The following ZNF445 variants were observed in gnomAD, a reference collection of about 807,000 sequenced individuals.
The protein encoded by ZNF445 is zinc finger protein 168.
Under a neutral mutation model 93.9 loss-of-function variants are expected in ZNF445, and 19 were observed. That is an observed-to-expected ratio of 0.20 (90% CI 0.14 to 0.30). ZNF445 has a LOEUF of 0.30. Among genes scored for constraint, ZNF445 ranks in the 10% least tolerant of loss-of-function variants. The probability of loss-of-function intolerance (pLI) is 1.00; values close to 1 mark genes in which losing one functional copy is unlikely to be tolerated. For synonymous variants in ZNF445, 449 were observed against 446.3 expected, an observed-to-expected ratio of 1.01 and a Z score of -0.08; for missense variants, 1,058 against 1,259.4, an observed-to-expected ratio of 0.84 and a Z score of 2.42.
chr3:44,457,774 G>A lies in ZNF445; in HGVS notation c.-148+470C>T, dbSNP rs560133370. Among the ~76,000 whole-genome samples the A allele has an allele frequency of 1.3e-4, 19 of 150,986 alleles. No homozygotes were observed. The East Asian group carries it at 2.6e-3, about 20-fold the overall frequency. ...TCCTAGCACTTTGGGAGGCCTAGGC[G>A]CGTGGATCACGAGGTCAGAAGTTTG... On this transcript the variant is annotated intron_variant, in intron 2 of 7. Transcript: ENST00000396077.
rs1046794981 is a variant in ZNF445 at position 44,439,040 on chromosome 3, G to T, written c.*7535C>A. 2.0e-5 allele frequency: 3 copies of T among 151,684 alleles called. No individual in the cohort carries two copies. Among genetic ancestry groups the T allele is most frequent in the Non-Finnish European group, 2.9e-5 (2 of 67,990 alleles). The allele number at this position is 151,684 out of a possible 1,614,324, so 9.4% of individuals were successfully genotyped here. A position where few individuals can be genotyped will look rare whatever the true frequency, so the allele number is the denominator to read the frequency against. On this transcript the variant is annotated 3_prime_UTR_variant, in exon 8 of 8. Coordinates refer to ENST00000396077, the MANE Select transcript of ZNF445 (RefSeq NM_181489.6). ...AAAAAAAACAAGGACTCCAGGCATG[G>T]TGGCTCACACCTGTAATCCCAGCAC...
chr3:44,446,879 C>T lies in ZNF445; in HGVS notation c.2792G>A (p.Arg931Gln), dbSNP rs200875030. 63 of 1,614,016 alleles carry T rather than the reference C, an allele frequency of 3.9e-5. No individual in the cohort carries two copies. The highest frequency in any genetic ancestry group is 2.2e-4 in the East Asian group (10 of 44,886). The change falls in exon 8 of 8, where the codon CGG (arginine) becomes CAG (glutamine). Residue 931 changes from arginine to glutamine, a missense_variant. This residue lies in a region of ZNF445 where 387 missense variants were observed against 475.7 expected (regional missense o/e 0.81). Transcript: ENST00000396077. The surrounding 1 kb of genome is among the most constrained non-coding windows in gnomAD (Gnocchi z 4.2). ...CAACTTTGTGTCCTGAGAGGAAGAC[C>T]GTGCAGGCGGGCTACGTTCAGCCTG... ...AAQAERSPPA[R>Q]SSSQDTKLRL... is the part of the protein sequence containing the mutation.
chr3:44,450,368 T>G, intron 6 of ZNF445, 79 bp downstream of exon 6: 1 of 1,588,796 alleles, frequency 6.3e-7, no homozygotes, highest in South Asian at 1.1e-5. Context: ...CCAGGTCAGG[T>G]ACCTTTCTAT....
At chr3:44,457,720 T>C (rs1274278494) in intron 2 of ZNF445, among the ~76,000 whole-genome samples, 3 of 152,090 alleles carry the variant, frequency 2.0e-5, no homozygotes, top group Non-Finnish European at 2.9e-5. Context: ...GGATCAGACT[T>C]GGCCGGGTGT....
intron 1 of ZNF445, among the ~76,000 whole-genome samples, chr3:44,464,796 C>G (rs1016373346): frequency 6.6e-6 from 1 of 152,152 alleles, no homozygotes; most frequent in Non-Finnish European, 1.5e-5. Context: ...CCACCCCAAG[C>G]TGGGCACAGT....
rs898863109 is a variant in ZNF445 at position 44,443,272 on chromosome 3, G to T, written c.*3303C>A. 8 of 152,076 alleles carry T rather than the reference G, an allele frequency of 5.3e-5. No individual in the cohort carries two copies. Among genetic ancestry groups the T allele is most frequent in the African/African-American group, 1.7e-4 (7 of 41,398 alleles). The allele number at this position is 152,076 out of a possible 1,614,324, so 9.4% of individuals were successfully genotyped here. On this transcript the variant is annotated 3_prime_UTR_variant, in exon 8 of 8. Coordinates refer to ENST00000396077, the MANE Select transcript of ZNF445 (RefSeq NM_181489.6). ...TTAGTAGTTAGCACCAAGTAGTCAG[G>T]CTTCTACTTTTTTTCCTTTCAGCTA...
intron 1 of ZNF445, among the ~76,000 whole-genome samples, chr3:44,461,313 C>G (rs1489649472): frequency 1.3e-5 from 2 of 152,088 alleles, no homozygotes; most frequent in Non-Finnish European, 2.9e-5. Flanking sequence ...GAGGAAGAGT[C>G]CTGGTTTGGA....
intron 1 of ZNF445, among the ~76,000 whole-genome samples, chr3:44,464,029 G>C (rs1022223971): frequency 2.6e-5 from 4 of 152,166 alleles, no homozygotes; most frequent in African/African-American, 9.7e-5. Context: ...GGAAGGCTTA[G>C]GCAGGACAAT....
chr3:44,459,602 G>T (rs1444051613), intron 1 of ZNF445, among the ~76,000 whole-genome samples: 3 of 152,156 alleles, frequency 2.0e-5, no homozygotes, highest in Non-Finnish European at 4.4e-5. Context: ...TGATATTAAG[G>T]CTTACTATAA....
At position 44,432,192 on chromosome 3, in the gene ZNF445, C is replaced by G. The variant is rs569753697; in HGVS notation, c.*14383G>C. 6.6e-6 allele frequency: 1 copy of G among 152,190 alleles called. No homozygotes were observed. Among genetic ancestry groups the G allele is most frequent in the Non-Finnish European group, 1.5e-5 (1 of 68,054 alleles). The allele number at this position is 152,190 out of a possible 1,614,324, so 9.4% of individuals were successfully genotyped here. A position where few individuals can be genotyped will look rare whatever the true frequency, so the allele number is the denominator to read the frequency against. ...AGATTACAGGCGTTGAGCCACCATG[C>G]CCAGCCCTTGAAATTTAAATTTCAA... is the stretch of plus-strand genomic sequence containing the variant. On this transcript the variant is annotated 3_prime_UTR_variant, in exon 8 of 8. Coordinates refer to ENST00000396077, the MANE Select transcript of ZNF445 (RefSeq NM_181489.6).
In ZNF445 at chr3:44,447,143, T is replaced by C; in HGVS notation, c.2528A>G (p.Gln843Arg). 6.2e-7 allele frequency: 1 copy of C among 1,614,234 alleles called. No homozygotes were observed. The highest frequency in any genetic ancestry group is 8.5e-7 in the Non-Finnish European group (1 of 1,180,028). The part of the protein sequence containing the change: ...ILTGEKRFWC[Q>R]ECGKTFTRKR... Reference sequence around the variant, plus strand: ...ACGTGTAAAGGTTTTCCCACATTCTTGACACCAAAAACGTTTCTCACCAGT... The same window carrying C: ...ACGTGTAAAGGTTTTCCCACATTCTCGACACCAAAAACGTTTCTCACCAGT... The change falls in exon 8 of 8, where the codon CAA (glutamine) becomes CGA (arginine). Residue 843 changes from glutamine to arginine, a missense_variant. Physicochemically the swap from Gln to Arg is conservative, Grantham distance 43. Around this residue, in one of 3 missense-constraint regions of ZNF445, gnomAD observed 387 missense variants for 475.7 expected, o/e 0.81. Transcript: ENST00000396077. The surrounding 1 kb of genome is among the most constrained non-coding windows in gnomAD (Gnocchi z 4.7).
In ZNF445 at chr3:44,448,363, C is replaced by G; in HGVS notation, c.1308G>C (p.Gly436=). 6.2e-7 allele frequency: 1 copy of G among 1,614,198 alleles called. No individual in the cohort carries two copies. The highest frequency in any genetic ancestry group is 8.5e-7 in the Non-Finnish European group (1 of 1,180,044). The change falls in exon 8 of 8, where the codon GGG becomes GGC. Residue 436 remains glycine, a synonymous_variant. Coordinates refer to ENST00000396077, the MANE Select transcript of ZNF445 (RefSeq NM_181489.6). ...HHYDYKKYGK[G]LRHMIGGFSL... ...TGAAGCCCCCAATCATGTGTCTGAG[C>G]CCCTTCCCATATTTCTTGTAGTCAT...
chr3:44,451,017 A>G, intron 4 of ZNF445, 55 bp from the exon 5 acceptor site: 1 of 1,407,434 alleles, frequency 7.1e-7, no homozygotes, highest in South Asian at 1.4e-5. Context: ...CCCAGTGAGA[A>G]GCCCACTCTT....
At position 44,455,671 on chromosome 3, in the gene ZNF445, G is replaced by C. The variant is rs1575311875; in HGVS notation, c.-122C>G. On this transcript the variant is annotated 5_prime_UTR_variant, in exon 3 of 8. Coordinates refer to ENST00000396077, the MANE Select transcript of ZNF445 (RefSeq NM_181489.6). ...TTTGCTGGGACATCAGAAGTCATCA[G>C]CAAGTGACTGAAATTACCAGCATTT... 1.1e-6 allele frequency: 1 copy of C among 879,304 alleles called. No individual in the cohort carries two copies. Among genetic ancestry groups the C allele is most frequent in the East Asian group, 2.7e-5 (1 of 36,922 alleles). The allele number at this position is 879,304 out of a possible 1,614,324, so 54.5% of individuals were successfully genotyped here. A position where few individuals can be genotyped will look rare whatever the true frequency, so the allele number is the denominator to read the frequency against.
intron 1 of ZNF445, among the ~76,000 whole-genome samples, chr3:44,468,791 T>A (rs1048090647): frequency 6.6e-6 from 1 of 151,802 alleles, no homozygotes; most frequent in Non-Finnish European, 1.5e-5. Context: ...CACCAAGTTA[T>A]CCTTAAAAAC....
rs774570720 is a variant in ZNF445 at position 44,446,629 on chromosome 3, G to A, written c.3042C>T (p.Thr1014=). ...GAGCCAGGTTCGAAGACCACCTGAA[G>A]GTCTTTCCACACTTGCTGCATTTGA... ...RPFKCSKCGK[T]FRWSSNLARH... Residue 1014 remains threonine, a synonymous_variant, in exon 8 of 8, where the codon ACC becomes ACT. Transcript: ENST00000396077. The surrounding 1 kb of genome is among the most constrained non-coding windows in gnomAD (Gnocchi z 4.2). 6.2e-7 allele frequency: 1 copy of A among 1,614,224 alleles called. No homozygotes were observed. Among genetic ancestry groups the A allele is most frequent in the Non-Finnish European group, 8.5e-7 (1 of 1,180,046 alleles).
chr3:44,469,825 A>C (rs935001304), intron 1 of ZNF445, among the ~76,000 whole-genome samples: 1 of 152,208 alleles, frequency 6.6e-6, no homozygotes, highest in Admixed American at 6.5e-5. Flanking sequence ...GAGTACATCA[A>C]GTGCAGAAAA....
At chr3:44,449,492 G>A (rs371898907) in intron 7 of ZNF445, 21 bp downstream of exon 7, 5 of 1,585,336 alleles carry the variant, frequency 3.2e-6, no homozygotes, top group Non-Finnish European at 4.3e-6. Flanking sequence ...AGCAGGACCT[G>A]GCAGGTTCTC....
chr3:44,448,691 G>A lies in ZNF445; in HGVS notation c.980C>T (p.Pro327Leu). The A allele has an allele frequency of 6.2e-7, 1 of 1,613,502 alleles. No homozygotes were observed. The highest frequency in any genetic ancestry group is 8.5e-7 in the Non-Finnish European group (1 of 1,179,906). The change falls in exon 8 of 8, where the codon CCT (proline) becomes CTT (leucine). Residue 327 changes from proline (P) to leucine (L), a missense_variant. Around this residue, in one of 3 missense-constraint regions of ZNF445, gnomAD observed 657 missense variants for 746.4 expected, o/e 0.88. Coordinates refer to ENST00000396077, the MANE Select transcript of ZNF445 (RefSeq NM_181489.6). ...AGCTAAGGTTTCTGCTTCTTCCAAA[G>A]GTTCCTGATTTAAGATGAATTTGTT... ...KTNKFILNQE[P>L]LEEAETLAVS... is the part of the protein sequence containing the mutation.
Sources: allele counts gnomAD v4.1 joint callset (sites outside exome capture counted in the v4.1 genomes callset), GRCh38; gene constraint gnomAD v4.1.1; regional missense constraint gnomAD v4.1.1; non-coding constraint Gnocchi (gnomAD v3.1); transcripts MANE v1.5; gene names NCBI Gene and HGNC (gene_info 2026-07-23, HGNC 2026-07-21).